The following CD200R1L variants were observed in gnomAD, a reference collection of about 807,000 sequenced individuals.
CD200R1L encodes cell surface glycoprotein CD200 receptor 2.
In CD200R1L, 14 loss-of-function variants were observed where a neutral mutation model predicts 24.8. The observed-to-expected ratio is 0.56, with a 90% CI of 0.37 to 0.88. CD200R1L has a LOEUF of 0.88. Ranked by LOEUF, CD200R1L falls within the 40% of genes least tolerant of loss-of-function variation. The pLI, the probability that CD200R1L is intolerant of heterozygous loss-of-function variation, is 0.00. For missense variants in CD200R1L, 299 were observed against 297.8 expected, an observed-to-expected ratio of 1.00 and a Z score of -0.03; for synonymous variants, 111 against 109.2, an observed-to-expected ratio of 1.02 and a Z score of -0.11.
rs1388578631 is a variant in CD200R1L at position 112,815,885 on chromosome 3, G to A, written c.*78C>T. 1 of 773,376 alleles carries A rather than the reference G, an allele frequency of 1.3e-6. No individual in the cohort carries two copies. Among genetic ancestry groups the A allele is most frequent in the African/African-American group, 1.7e-5 (1 of 58,720 alleles). 47.9% of individuals were successfully genotyped at this position (773,376 alleles called of 1,614,324 possible). On this transcript the variant is annotated 3_prime_UTR_variant, in exon 8 of 8. Coordinates refer to ENST00000488794, the MANE Select transcript of CD200R1L (RefSeq NM_001199215.3). Reference sequence around the variant, plus strand: ...ACATCATCCATGGCCCAAGTTCACTGCTGGACCATCACTCATCTCACCAAT... The same window carrying A: ...ACATCATCCATGGCCCAAGTTCACTACTGGACCATCACTCATCTCACCAAT...
intron 3 of CD200R1L, among the ~76,000 whole-genome samples, chr3:112,837,243 A>AT (rs1326264324): frequency 2.0e-5 from 3 of 152,224 alleles, no homozygotes; most frequent in East Asian, 1.9e-4. Context: ...CATTTTGTGT[A>AT]TTTTTTTAAA....
At chr3:112,828,339 T>G (rs1163508852) in intron 4 of CD200R1L, among the ~76,000 whole-genome samples, 1 of 152,188 alleles carries the variant, frequency 6.6e-6, no homozygotes, top group African/African-American at 2.4e-5. Context: ...GTCAGTGAGA[T>G]CCACAGATCT....
chr3:112,816,143 A>G (rs561254027), intron 7 of CD200R1L, among the ~76,000 whole-genome samples, 168 bp from the exon 8 acceptor site: 21 of 152,374 alleles, frequency 1.4e-4, no homozygotes, highest in Admixed American at 1.0e-3. Context: ...CTAAGACACC[A>G]GGAATGCTGT....
At chr3:112,820,951 G>C (rs1938521434) in intron 6 of CD200R1L, among the ~76,000 whole-genome samples, 1 of 151,590 alleles carries the variant, frequency 6.6e-6, no homozygotes, top group Non-Finnish European at 1.5e-5. Context: ...CAGCTACTCG[G>C]GAGGCGGAGG....
At chr3:112,839,351 A>G (rs1939030036) in intron 2 of CD200R1L, among the ~76,000 whole-genome samples, 1 of 152,244 alleles carries the variant, frequency 6.6e-6, no homozygotes, top group Non-Finnish European at 1.5e-5. Context: ...ACAACTGGAT[A>G]ATCCTAGTCA....
Position 112,827,024 on chromosome 3 carries a change from G to A in CD200R1L, c.585C>T (p.Gly195=). 6.2e-7 allele frequency: 1 copy of A among 1,611,920 alleles called. No individual in the cohort carries two copies. Among genetic ancestry groups the A allele is most frequent in the African/African-American group, 1.3e-5 (1 of 74,950 alleles). ...TVTCHVSHLT[G]NKSLSVKLNS... ...TCAACTTTACGGACAGACTCTTGTT[G>A]CCAGTCAAATGGGAGACATGGCAGG... The change falls in exon 6 of 8, where the codon GGC becomes GGT. Residue 195 remains glycine (G), a synonymous_variant. Coordinates refer to ENST00000488794, the MANE Select transcript of CD200R1L (RefSeq NM_001199215.3).
At position 112,827,162 on chromosome 3, in the gene CD200R1L, C is replaced by A. The variant is rs761642930; in HGVS notation, c.447G>T (p.Gln149His). ...TAGATCCCTCTGGGATCCAGGAGAT[C>A]TGGGCAGCTGGCTTCCCTGTAACTG... ...CKAVTGKPAA[Q>H]ISWIPEGSIL... Residue 149 changes from glutamine (Q) to histidine (H), a missense_variant, in exon 6 of 8, where the codon CAG (glutamine) becomes CAT (histidine). Gln to His is a conservative substitution (Grantham distance 24). Transcript: ENST00000488794. 1.9e-6 allele frequency: 3 copies of A among 1,613,618 alleles called. No individual in the cohort carries two copies. The highest frequency in any genetic ancestry group is 2.5e-6 in the Non-Finnish European group (3 of 1,180,000).
intron 2 of CD200R1L, among the ~76,000 whole-genome samples, chr3:112,843,146 G>C (rs1040057821): frequency 1.3e-5 from 2 of 152,138 alleles, no homozygotes; most frequent in Non-Finnish European, 2.9e-5. Context: ...AAACATATTT[G>C]AGGATATAGT....
At chr3:112,825,252 TAA>T (rs142848683) in intron 6 of CD200R1L, among the ~76,000 whole-genome samples, 91 of 126,216 alleles carry the variant, frequency 7.2e-4, no homozygotes, top group African/African-American at 1.4e-3. Context: ...AAACAAAGAT[TAA>T]AAAAAAAAAA....
At chr3:112,835,645 C>T (rs1040522227) in intron 3 of CD200R1L, among the ~76,000 whole-genome samples, 1 of 152,260 alleles carries the variant, frequency 6.6e-6, no homozygotes, top group African/African-American at 2.4e-5. Context: ...TGCCCTGGAG[C>T]CTCTCTACCT....
At chr3:112,829,137 G>A (rs1335666167) in intron 4 of CD200R1L, among the ~76,000 whole-genome samples, 182 bp downstream of exon 4, 4 of 152,348 alleles carry the variant, frequency 2.6e-5, no homozygotes, top group African/African-American at 7.2e-5. Context: ...GTAAGCAAGA[G>A]TATGGCTTGT....
intron 6 of CD200R1L, among the ~76,000 whole-genome samples, chr3:112,824,061 G>T (rs1938603636): frequency 6.6e-6 from 1 of 152,078 alleles, no homozygotes; most frequent in South Asian, 2.1e-4. Context: ...AGTTAAGCTG[G>T]GTCCAGGAAG....
At chr3:112,834,234 CTTTTTTT>C (rs5851866) in intron 3 of CD200R1L, among the ~76,000 whole-genome samples, 1 of 93,346 alleles carries the variant, frequency 1.1e-5, no homozygotes, top group Non-Finnish European at 2.1e-5. Flanking sequence ...CACCATCATT[CTTTTTTT>C]TTTTTTTTTT....
In CD200R1L at chr3:112,825,549, C is replaced by T. The variant is rs1044690013; in HGVS notation, c.616+1444G>A. Among the ~76,000 whole-genome samples, 6 of 151,590 alleles carry T rather than the reference C, an allele frequency of 4.0e-5. No individual in the cohort carries two copies. The East Asian group carries it at 7.7e-4, about 20-fold the overall frequency. On this transcript the variant is annotated intron_variant, in intron 6 of 7. Coordinates refer to ENST00000488794, the MANE Select transcript of CD200R1L (RefSeq NM_001199215.3). ...ATGCTTTTTGTCAGAGCATTTTCTG[C>T]GCAGGGAGACACAAATGAGTTAAGG...
intron 2 of CD200R1L, among the ~76,000 whole-genome samples, chr3:112,839,048 CACACACACACAT>C (rs1248932939): frequency 1.0e-3 from 157 of 151,964 alleles, no homozygotes; most frequent in African/African-American, 3.5e-3. Context: ...CTTGAAATAA[CACACACACACAT>C]ACACACACAC....
At chr3:112,846,307 G>A (rs1314380617) in intron 1 of CD200R1L, among the ~76,000 whole-genome samples, 1 of 152,160 alleles carries the variant, frequency 6.6e-6, no homozygotes, top group Non-Finnish European at 1.5e-5. Context: ...AACTTCACAT[G>A]CATGAAATTC....
At chr3:112,829,430 T>C in intron 3 of CD200R1L, 46 bp from the exon 4 acceptor site, 2 of 1,541,142 alleles carry the variant, frequency 1.3e-6, no homozygotes, top group Non-Finnish European at 1.8e-6. Context: ...TTTTATGTAC[T>C]CAGAATGGAA....
At chr3:112,842,476 T>C (rs1939105507) in intron 2 of CD200R1L, among the ~76,000 whole-genome samples, 1 of 152,174 alleles carries the variant, frequency 6.6e-6, no homozygotes, top group African/African-American at 2.4e-5. Context: ...GTTTGAACAA[T>C]ATGAAATCAG....
intron 2 of CD200R1L, among the ~76,000 whole-genome samples, chr3:112,843,726 AATGTGCCAC>A (rs1313185867): frequency 1.3e-5 from 2 of 152,196 alleles, no homozygotes; most frequent in Non-Finnish European, 1.5e-5. Flanking sequence ...AATTAACCTA[AATGTGCCAC>A]TTAAAAGGCA....
Sources: gnomAD v4.1 joint callset for allele counts (sites outside exome capture counted in the v4.1 genomes callset) on GRCh38, gnomAD v4.1.1 for gene constraint, MANE v1.5 for transcripts, NCBI Gene and HGNC (gene_info 2026-07-23, HGNC 2026-07-21) for gene names.